The following NIBAN3 variants were observed in gnomAD, a reference collection of about 807,000 sequenced individuals.
The protein encoded by NIBAN3 is niban apoptosis regulator 3.
NIBAN3 carries 66 observed loss-of-function variants against 76.4 expected under a neutral mutation model. The observed-to-expected ratio is 0.86, with a 90% CI of 0.71 to 1.06. The LOEUF is 1.06. Among genes scored for constraint, NIBAN3 ranks in the 50% least tolerant of loss-of-function variants. The pLI is 0.00. For missense variants in NIBAN3, 808 were observed against 810.7 expected (o/e 1.00, Z 0.04); for synonymous variants, 360 against 355.2 (o/e 1.01, Z -0.15).
In NIBAN3 at chr19:17,543,518, G is replaced by C; in HGVS notation, c.1447-6G>C. The C allele has an allele frequency of 6.2e-7, 1 of 1,614,078 alleles. No individual in the cohort carries two copies. Among genetic ancestry groups the C allele is most frequent in the South Asian group, 1.1e-5 (1 of 91,086 alleles). On this transcript the variant is annotated splice_region_variant and splice_polypyrimidine_tract_variant and intron_variant, in intron 11 of 14. Coordinates refer to ENST00000599164, the MANE Select transcript of NIBAN3 (RefSeq NM_001321827.2). ...TGCTGGACGCACCGCTGGGTGTGTT[G>C]TGCAGAAATTCAAATCGGACAGCGG...
downstream of NIBAN3, chr19:17,553,802 C>T (rs558277440): frequency 7.0e-6 from 3 of 426,754 alleles, no homozygotes; most frequent in East Asian, 1.1e-4. Flanking sequence ...ATCTTGTCAC[C>T]TCCTTTTTCT....
Position 17,540,462 on chromosome 19 carries a change from G to T in NIBAN3, c.1050G>T (p.Gln350His). 6.3e-7 allele frequency: 1 copy of T among 1,591,130 alleles called. No homozygotes were observed. The highest frequency in any genetic ancestry group is 8.6e-7 in the Non-Finnish European group (1 of 1,168,652). The change falls in exon 9 of 15, where the codon CAG becomes CAT. Residue 350 changes from glutamine (Q) to histidine (H), a missense_variant. Physicochemically the swap from Gln to His is conservative, Grantham distance 24 (BLOSUM62 0). Transcript: ENST00000599164. ...ACCCGCAGCTGCCCCGGGTCGTGCA[G>T]ACCCTGCTGCGCACCGTGGAAGCCT... is the stretch of plus-strand genomic sequence containing the variant. Reference protein sequence around the residue: ...EVDPQLPRVVQTLLRTVEASL... With the variant: ...EVDPQLPRVVHTLLRTVEASL...
rs2076061249 is a variant in NIBAN3, at chr19:17,546,707, G to A, written c.1576G>A (p.Asp526Asn). Residue 526 changes from aspartate to asparagine, a missense_variant, in exon 13 of 15, where the codon GAT (aspartate) becomes AAT (asparagine). Coordinates refer to ENST00000599164, the MANE Select transcript of NIBAN3 (RefSeq NM_001321827.2). The stretch of plus-strand genomic sequence containing the variant: ...CCAGGAGCTGCCTGAGTTCGAGGGG[G>A]ATGTCCTTGCCGTGGGCAGCCAGGC... ...CKKELPEFEG[D>N]VLAVGSQALT... 1.3e-6 allele frequency: 2 copies of A among 1,593,734 alleles called. No individual in the cohort carries two copies. Among genetic ancestry groups the A allele is most frequent in the African/African-American group, 1.3e-5 (1 of 74,514 alleles).
At chr19:17,531,636 C>T (rs1252162106) in intron 2 of NIBAN3, among the ~76,000 whole-genome samples, 7 of 152,244 alleles carry the variant, frequency 4.6e-5, no homozygotes, top group Admixed American at 2.6e-4. Flanking sequence ...CAGGTTCAAG[C>T]GATTCTCGTG....
upstream of NIBAN3, chr19:17,523,395 T>C: frequency 1.3e-6 from 2 of 1,536,538 alleles, no homozygotes; most frequent in Non-Finnish European, 1.8e-6. Context: ...TGCTTCAACG[T>C]CTTGTCCCGG....
chr19:17,532,291 GAC>G lies in NIBAN3; in HGVS notation c.216_217del (p.Leu74AspfsTer33), dbSNP rs1252885664. On this transcript the variant is annotated frameshift_variant, in exon 3 of 15. Transcript: ENST00000599164. LOFTEE classifies it high-confidence loss of function. The stretch of plus-strand genomic sequence containing the variant: ...CTGCCCCGAGTCCGTGAGCACCGAG[GAC>G]CCCTGACCCAGCTTCGGGGCCACCC... 6.2e-7 allele frequency: 1 copy of G among 1,613,604 alleles called. No individual in the cohort carries two copies. Among genetic ancestry groups the G allele is most frequent in the South Asian group, 1.1e-5 (1 of 91,050 alleles).
chr19:17,536,026 T>C (rs1196332234), intron 4 of NIBAN3, among the ~76,000 whole-genome samples: 1 of 152,162 alleles, frequency 6.6e-6, no homozygotes, highest in Non-Finnish European at 1.5e-5. Flanking sequence ...AATCCCATCT[T>C]GTCACAGATA....
chr19:17,523,477 A>AGAGCTGAGCGGAAGCT (rs1198961241), upstream of NIBAN3: 1 of 1,559,674 alleles, frequency 6.4e-7, no homozygotes, highest in Non-Finnish European at 8.7e-7. Flanking sequence ...AACAGCAAAG[A>AGAGCTGAGCGGAAGCT]GAGCTGAGCG....
intron 8 of NIBAN3, 102 bp from the exon 9 acceptor site, chr19:17,540,290 C>T: frequency 1.3e-6 from 1 of 797,670 alleles, no homozygotes. Context: ...GAAGAGGGCG[C>T]TCAGCGTCCC....
At position 17,542,096 on chromosome 19, in the gene NIBAN3, T is replaced by A; in HGVS notation, c.1171-40T>A. 1 of 1,613,564 alleles carries A rather than the reference T, an allele frequency of 6.2e-7. No individual in the cohort carries two copies. Among genetic ancestry groups the A allele is most frequent in the Non-Finnish European group, 8.5e-7 (1 of 1,179,632 alleles). On this transcript the variant is annotated intron_variant, in intron 9 of 14. Transcript: ENST00000599164. The surrounding 1 kb of genome is among the most constrained non-coding windows in gnomAD (Gnocchi z 4.8). Reference sequence around the variant, plus strand: ...GGGTCCCTGGCCCTTTGCAATCAGCTGACAGCATTTTTCCCCCAAAACTGC... The same window carrying A: ...GGGTCCCTGGCCCTTTGCAATCAGCAGACAGCATTTTTCCCCCAAAACTGC...
At chr19:17,530,278 G>C (rs980024835) in intron 1 of NIBAN3, among the ~76,000 whole-genome samples, 1 of 151,520 alleles carries the variant, frequency 6.6e-6, no homozygotes, top group Admixed American at 6.6e-5. Context: ...CTGTGATCGT[G>C]CCAGCGCACT....
At chr19:17,528,718 A>T (rs1170710341) in intron 1 of NIBAN3, among the ~76,000 whole-genome samples, 1 of 152,118 alleles carries the variant, frequency 6.6e-6, no homozygotes, top group East Asian at 1.9e-4. Flanking sequence ...CATGGTCTAA[A>T]CACCTTCCCT....
At position 17,543,546 on chromosome 19, in the gene NIBAN3, T is replaced by C. The variant is rs762271324; in HGVS notation, c.1469T>C (p.Leu490Ser). ...CAGAAATTCAAATCGGACAGCGGGT[T>C]GGCGCAGAGGAGGTTCATCCGAGGC... is the stretch of plus-strand genomic sequence containing the variant. ...VLKKFKSDSG[L>S]AQRRFIRGWG... Residue 490 changes from leucine to serine, a missense_variant, in exon 12 of 15, where the codon TTG (leucine) becomes TCG (serine). Physicochemically the swap from Leu to Ser is moderately radical, Grantham distance 145 (BLOSUM62 -2). Transcript: ENST00000599164. The C allele has an allele frequency of 6.2e-7, 1 of 1,614,148 alleles. No individual in the cohort carries two copies. The highest frequency in any genetic ancestry group is 2.2e-5 in the East Asian group (1 of 44,886).
rs75207868 is a variant in NIBAN3, at chr19:17,544,599, G to A, written c.1554+968G>A. Among the ~76,000 whole-genome samples, 447 of 152,376 alleles carry A rather than the reference G, an allele frequency of 2.9e-3. 4 individuals are homozygous for A. Among genetic ancestry groups the A allele is most frequent in the African/African-American group, 8.5e-3 (352 of 41,598 alleles). ...GCATTCCAGGCAGAGGGCACAGCATGTGCAAAGGCCCTGAGGCCTGACCAT... is the reference window on the plus strand; with the variant it reads ...GCATTCCAGGCAGAGGGCACAGCATATGCAAAGGCCCTGAGGCCTGACCAT... On this transcript the variant is annotated intron_variant, in intron 12 of 14. Transcript: ENST00000599164.
intron 8 of NIBAN3, 67 bp from the exon 9 acceptor site, chr19:17,540,325 C>T: frequency 2.4e-6 from 3 of 1,228,308 alleles, no homozygotes; most frequent in Non-Finnish European, 3.2e-6. Context: ...TCGCGAGGGC[C>T]CCTGCACATC....
rs1664633486 is a variant in NIBAN3 at position 17,552,090 on chromosome 19, T to C, written c.*192T>C. 2.5e-6 allele frequency: 1 copy of C among 396,812 alleles called. No individual in the cohort carries two copies. The highest frequency in any genetic ancestry group is 4.5e-6 in the Non-Finnish European group (1 of 222,438). The allele number at this position is 396,812 out of a possible 1,614,324, so 24.6% of individuals were successfully genotyped here. A position where few individuals can be genotyped will look rare whatever the true frequency, so the allele number is the denominator to read the frequency against. On this transcript the variant is annotated 3_prime_UTR_variant, in exon 15 of 15. Coordinates refer to ENST00000599164, the MANE Select transcript of NIBAN3 (RefSeq NM_001321827.2). Reference sequence around the variant, plus strand: ...GCTTTCTTTATTTTAATTTTTTTTTTTTTTTTGAGACTGAGTCTTGCTCTG... The same window carrying C: ...GCTTTCTTTATTTTAATTTTTTTTTCTTTTTTGAGACTGAGTCTTGCTCTG...
intron 14 of NIBAN3, among the ~76,000 whole-genome samples, chr19:17,551,412 AT>A (rs2076154462): frequency 6.8e-6 from 1 of 147,842 alleles, no homozygotes; most frequent in African/African-American, 2.5e-5. Context: ...CTTTTTTTTT[AT>A]TTTTATTTTT....
intron 5 of NIBAN3, 57 bp from the exon 6 acceptor site, chr19:17,539,093 C>A: frequency 6.9e-7 from 1 of 1,457,992 alleles, no homozygotes; most frequent in Non-Finnish European, 9.3e-7. Flanking sequence ...CCTCCCCGGG[C>A]CATCGGGAGC....
rs1159769800 is a variant in NIBAN3, at chr19:17,542,577, C to A, written c.1329+283C>A. On this transcript the variant is annotated intron_variant, in intron 10 of 14. Coordinates refer to ENST00000599164, the MANE Select transcript of NIBAN3 (RefSeq NM_001321827.2). This position sits in a 1 kb window ranked among gnomAD's most constrained non-coding sequence, Gnocchi z 4.8. ...CATGGGAGAGCAATGGGAGGAATGG[C>A]GTTGCCACCAGTCCCGAGTGAATAG... Among the ~76,000 whole-genome samples, 2 of 152,174 alleles carry A rather than the reference C, an allele frequency of 1.3e-5. No homozygotes were observed. The highest frequency in any genetic ancestry group is 2.9e-5 in the Non-Finnish European group (2 of 68,042).
Sources: gnomAD v4.1 joint callset for allele counts (sites outside exome capture counted in the v4.1 genomes callset) on GRCh38, gnomAD v4.1.1 for gene constraint, Gnocchi (gnomAD v3.1) non-coding constraint, MANE v1.5 for transcripts, NCBI Gene and HGNC (gene_info 2026-07-23, HGNC 2026-07-21) for gene names.